ELF1: variants seen among roughly 807,000 people sequenced by gnomAD.
ELF1 encodes the protein E74 like ETS transcription factor 1.
In ELF1, 24 loss-of-function variants were observed where a neutral mutation model predicts 59.9. The observed-to-expected ratio is 0.40, with a 90% CI of 0.29 to 0.56. ELF1 has a LOEUF of 0.56. Ranked by LOEUF, ELF1 falls within the 20% of genes least tolerant of loss-of-function variation. The pLI, the probability that ELF1 is intolerant of heterozygous loss-of-function variation, is 0.44. For synonymous variants in ELF1, 248 were observed against 266.2 expected (o/e 0.93, Z 0.67); for missense variants, 627 against 742.2 (o/e 0.84, Z 1.80).
intron 2 of ELF1, among the ~76,000 whole-genome samples, chr13:40,971,955 G>GC (rs1872571148): frequency 6.6e-6 from 1 of 151,356 alleles, no homozygotes; most frequent in African/African-American, 2.4e-5. Context: ...TTTTTTGGGG[G>GC]GGGGTATAGT....
chr13:41,016,914 CAAAAAAAAAAAAAAAAA>C (rs1164306892), intron 1 of ELF1, among the ~76,000 whole-genome samples: 21 of 12,892 alleles, frequency 1.6e-3, no homozygotes, highest in East Asian at 2.8e-3. Flanking sequence ...AACTCCGTCT[CAAAAAAAAAAAAAAAAA>C]AAAAAAAAAA....
At chr13:41,023,893 A>C (rs1870738412), upstream of ELF1, among the ~76,000 whole-genome samples, 1 of 152,256 alleles carries the variant, frequency 6.6e-6, no homozygotes, top group Admixed American at 6.5e-5. Flanking sequence ...GGAAAAATGT[A>C]GCATATCAGG....
chr13:41,057,613 C>A (rs1374747258), intron 1 of ELF1, among the ~76,000 whole-genome samples: 2 of 152,122 alleles, frequency 1.3e-5, no homozygotes, highest in African/African-American at 4.8e-5. Flanking sequence ...CCATGTTGAT[C>A]CACCTGCCTC....
intron 1 of ELF1, among the ~76,000 whole-genome samples, chr13:41,026,800 T>C (rs938877000): frequency 1.3e-5 from 2 of 152,202 alleles, no homozygotes; most frequent in Non-Finnish European, 2.9e-5. Context: ...TATATGTGAT[T>C]GGGCCTGCGT....
At chr13:40,988,315 A>G (rs772110750) in intron 1 of ELF1, among the ~76,000 whole-genome samples, 7 of 152,244 alleles carry the variant, frequency 4.6e-5, no homozygotes, top group Non-Finnish European at 1.0e-4. Flanking sequence ...TGATGTGTCC[A>G]AGGACACACA....
At chr13:40,958,513 G>C (rs1339595863) in intron 3 of ELF1, among the ~76,000 whole-genome samples, 1 of 150,760 alleles carries the variant, frequency 6.6e-6, no homozygotes, top group Non-Finnish European at 1.5e-5. Context: ...GGGCAATACA[G>C]TAAGACTCCA....
chr13:40,958,778 T>C, intron 3 of ELF1, 58 bp downstream of exon 3: 2 of 1,536,432 alleles, frequency 1.3e-6, no homozygotes, highest in Admixed American at 2.1e-5. Flanking sequence ...TCCTCAGGAT[T>C]AGGACACTGC....
rs1174379451 is a variant in ELF1, at chr13:40,994,303, CTCTT to C, written c.-228-12025_-228-12022del. 2.6e-5 allele frequency among the ~76,000 whole-genome samples: 4 copies of C among 152,180 alleles called. No individual in the cohort carries two copies. The East Asian group carries it at 7.7e-4, about 29-fold the overall frequency. The stretch of plus-strand genomic sequence containing the variant: ...TCCATACCTGTGGTCTCAAGTTTAA[CTCTT>C]TTTTTGAGCATGTTCTGAAAACAAA... On this transcript the variant is annotated intron_variant, in intron 1 of 8. Coordinates refer to ENST00000239882, the MANE Select transcript of ELF1 (RefSeq NM_172373.4).
At chr13:40,999,500 G>C (rs1183190865) in intron 1 of ELF1, among the ~76,000 whole-genome samples, 2 of 152,208 alleles carry the variant, frequency 1.3e-5, no homozygotes, top group Admixed American at 1.3e-4. Context: ...ATGGGAAATA[G>C]AAAGTCAGGC....
rs9566651 is a variant in ELF1 at position 41,002,071 on chromosome 13, C to T, written c.-229+17157G>A. Among the ~76,000 whole-genome samples the T allele has an allele frequency of 7.3e-3, 1,106 of 151,408 alleles. 8 individuals carry two copies. Among genetic ancestry groups the T allele is most frequent in the East Asian group, 0.052 (268 of 5,140 alleles). ...GAGAAGTTTTTTTACCTTTCAGAGA[C>T]GATCTGTGAGTATATAAGGTGAGGG... On this transcript the variant is annotated intron_variant, in intron 1 of 8. Coordinates refer to ENST00000239882, the MANE Select transcript of ELF1 (RefSeq NM_172373.4).
chr13:41,033,433 C>T (rs1876250889), intron 1 of ELF1, among the ~76,000 whole-genome samples: 1 of 152,192 alleles, frequency 6.6e-6, no homozygotes, highest in South Asian at 2.1e-4. Context: ...AGCTGCAGTA[C>T]ATCCATACTT....
chr13:40,996,122 C>CA (rs1874114702), intron 1 of ELF1, among the ~76,000 whole-genome samples: 1 of 152,138 alleles, frequency 6.6e-6, no homozygotes, highest in African/African-American at 2.4e-5. Flanking sequence ...AATGAGGTGT[C>CA]ACTACAAACC....
chr13:40,971,591 G>A (rs1872552153), intron 2 of ELF1, among the ~76,000 whole-genome samples: 2 of 152,158 alleles, frequency 1.3e-5, no homozygotes, highest in Non-Finnish European at 2.9e-5. Flanking sequence ...CTTCTCTCTT[G>A]CACAGCACCA....
chr13:40,965,013 G>A (rs750141947), intron 2 of ELF1, among the ~76,000 whole-genome samples: 1 of 152,132 alleles, frequency 6.6e-6, no homozygotes, highest in Admixed American at 6.5e-5. Flanking sequence ...GGGTGTGCAC[G>A]CAGGCACAAT....
chr13:40,963,098 T>C (rs551802735), intron 2 of ELF1, among the ~76,000 whole-genome samples: 11 of 152,344 alleles, frequency 7.2e-5, no homozygotes, highest in African/African-American at 2.2e-4. Flanking sequence ...CAAAATGCTA[T>C]GATGGAGACA....
intron 1 of ELF1, among the ~76,000 whole-genome samples, chr13:41,007,188 C>G (rs181669932): frequency 9.3e-4 from 141 of 152,170 alleles, no homozygotes; most frequent in African/African-American, 3.2e-3. Context: ...TAATACACCT[C>G]AGAAACGCCC....
chr13:40,972,950 T>C (rs568588857), intron 2 of ELF1, among the ~76,000 whole-genome samples: 1 of 152,252 alleles, frequency 6.6e-6, no homozygotes, highest in East Asian at 1.9e-4. Context: ...AATGTGTGTG[T>C]TGAGGTAGGA....
At chr13:41,033,135 A>G (rs1193378349) in intron 1 of ELF1, among the ~76,000 whole-genome samples, 3 of 152,220 alleles carry the variant, frequency 2.0e-5, no homozygotes, top group African/African-American at 7.2e-5. Context: ...TCTTAGTTAC[A>G]CTTCTGGTCA....
chr13:41,042,573 C>T (rs569355607), intron 1 of ELF1, among the ~76,000 whole-genome samples: 1 of 152,028 alleles, frequency 6.6e-6, no homozygotes, highest in East Asian at 1.9e-4. Flanking sequence ...GTTTTTTGTC[C>T]TTGCGATAGT....
Sources: allele counts gnomAD v4.1 joint callset (sites outside exome capture counted in the v4.1 genomes callset), GRCh38; gene constraint gnomAD v4.1.1; transcripts MANE v1.5; gene names NCBI Gene and HGNC (gene_info 2026-07-23, HGNC 2026-07-21).